The following WDPCP variants were observed in gnomAD, a reference collection of about 807,000 sequenced individuals.
The protein encoded by WDPCP is WD repeat containing planar cell polarity effector, also known as WD repeat-containing and planar cell polarity effector protein fritz homolog.
WDPCP carries 71 observed loss-of-function variants against 93.1 expected under a neutral mutation model. The ratio of observed to expected loss-of-function variants is 0.76; its 90% CI spans 0.63 to 0.93. The LOEUF is 0.93. Ranked by LOEUF, WDPCP falls within the 40% of genes least tolerant of loss-of-function variation. The pLI, the probability that WDPCP is intolerant of heterozygous loss-of-function variation, is 0.00. For synonymous variants in WDPCP, 315 were observed against 315.0 expected, an observed-to-expected ratio of 1.00 and a Z score of 0.00; for missense variants, 844 against 887.4, an observed-to-expected ratio of 0.95 and a Z score of 0.62.
chr2:63,140,121 G>C (rs905438779), intron 17 of WDPCP, among the ~76,000 whole-genome samples: 5 of 152,106 alleles, frequency 3.3e-5, no homozygotes, highest in African/African-American at 7.2e-5. Context: ...TCAGTTGGCT[G>C]TAAGTATTTG....
intron 1 of WDPCP, among the ~76,000 whole-genome samples, chr2:63,555,933 G>A (rs1442326885): frequency 6.6e-6 from 1 of 152,138 alleles, no homozygotes; most frequent in African/African-American, 2.4e-5. Flanking sequence ...AAATAAAAAA[G>A]CCAGAGTGCC....
intron 8 of WDPCP, among the ~76,000 whole-genome samples, chr2:63,436,697 G>C (rs1697155859): frequency 6.6e-6 from 1 of 152,010 alleles, no homozygotes; most frequent in Admixed American, 6.6e-5. Flanking sequence ...GCAAACACAA[G>C]TCACTGTTGA....
chr2:63,773,412 A>C (rs560606267), intron 2 of WDPCP, among the ~76,000 whole-genome samples: 31 of 152,174 alleles, frequency 2.0e-4, no homozygotes, highest in Non-Finnish European at 3.2e-4. Context: ...ATCAGAAGTC[A>C]GAAGACCAAT....
upstream of WDPCP, chr2:63,588,959 C>G: frequency 6.2e-7 from 1 of 1,601,324 alleles, no homozygotes. Flanking sequence ...CGCTCGCCCT[C>G]TCCGAGTCAG....
intron 9 of WDPCP, among the ~76,000 whole-genome samples, chr2:63,409,178 C>G (rs1185834398): frequency 6.6e-6 from 1 of 152,214 alleles, no homozygotes. Flanking sequence ...AGGACAGGCA[C>G]TGGTATCCAC....
chr2:63,454,052 A>G (rs908927637), intron 6 of WDPCP, among the ~76,000 whole-genome samples: 1 of 151,744 alleles, frequency 6.6e-6, no homozygotes, highest in African/African-American at 2.4e-5. Flanking sequence ...ACATGGATAC[A>G]TATGTAACAA....
intron 6 of WDPCP, among the ~76,000 whole-genome samples, chr2:63,465,416 T>C (rs180735865): frequency 2.2e-4 from 33 of 152,166 alleles, no homozygotes; most frequent in Admixed American, 1.4e-3. Flanking sequence ...CACATTAGGT[T>C]TGAGAAGGTT....
intron 9 of WDPCP, among the ~76,000 whole-genome samples, chr2:63,421,495 C>A (rs1406764590): frequency 1.3e-5 from 2 of 152,084 alleles, no homozygotes; most frequent in Non-Finnish European, 2.9e-5. Context: ...GTAGCAAAGG[C>A]AATTCAATGC....
intron 3 of WDPCP, chr2:63,595,082 C>G (rs966834267): frequency 3.5e-5 from 12 of 347,576 alleles, no homozygotes; most frequent in African/African-American, 2.6e-4. Flanking sequence ...ATGTCAGATA[C>G]TGTACTTAGC....
chr2:63,830,879 T>C (rs1330750948), upstream of WDPCP, among the ~76,000 whole-genome samples: 1 of 152,214 alleles, frequency 6.6e-6, no homozygotes. Context: ...AAACTATATG[T>C]TGACAATTCC....
At chr2:63,593,634 G>C (rs772672936), upstream of WDPCP, 5 of 471,524 alleles carry the variant, frequency 1.1e-5, no homozygotes, top group South Asian at 7.7e-5. Flanking sequence ...TGCAGGTAGG[G>C]GTAAAGGTGA....
chr2:63,822,935 T>C (rs1355291875), intron 1 of WDPCP, among the ~76,000 whole-genome samples: 1 of 151,244 alleles, frequency 6.6e-6, no homozygotes, highest in African/African-American at 2.4e-5. Context: ...ATTATTAACC[T>C]ATCTTGGTGT....
At chr2:63,326,351 T>C (rs1009259654) in intron 12 of WDPCP, among the ~76,000 whole-genome samples, 1 of 151,938 alleles carries the variant, frequency 6.6e-6, no homozygotes, top group Non-Finnish European at 1.5e-5. Flanking sequence ...TTGATGGAGG[T>C]TCGTTTGTGG....
intron 3 of WDPCP, chr2:63,622,084 TGGAAGTTG>T: frequency 3.9e-6 from 3 of 761,786 alleles, no homozygotes; most frequent in Admixed American, 9.6e-5. Flanking sequence ...TTTTTTTTTT[TGGAAGTTG>T]ATTTTTAATG....
intron 14 of WDPCP, among the ~76,000 whole-genome samples, chr2:63,198,599 AG>A (rs1675643475): frequency 6.6e-6 from 1 of 152,196 alleles, no homozygotes; most frequent in Non-Finnish European, 1.5e-5. Flanking sequence ...GTGAGTTATC[AG>A]GAGATCAGAT....
intron 3 of WDPCP, among the ~76,000 whole-genome samples, chr2:63,609,317 T>C (rs552035461): frequency 6.7e-4 from 102 of 151,610 alleles, no homozygotes; most frequent in Non-Finnish European, 1.3e-3. Context: ...GCCGAGATCA[T>C]GCCACTGCAC....
chr2:63,483,518 A>C (rs1700392104), intron 6 of WDPCP, among the ~76,000 whole-genome samples: 1 of 151,910 alleles, frequency 6.6e-6, no homozygotes, highest in Non-Finnish European at 1.5e-5. Context: ...GTAAAGGTAG[A>C]CTAGACAAAA....
intron 10 of WDPCP, among the ~76,000 whole-genome samples, chr2:63,390,959 G>A (rs974247127): frequency 1.3e-5 from 2 of 152,114 alleles, no homozygotes; most frequent in African/African-American, 4.8e-5. Flanking sequence ...TCTACCAGAG[G>A]TACAAAGAGG....
chr2:63,830,082 C>T (rs1008827457), upstream of WDPCP, among the ~76,000 whole-genome samples: 1 of 151,966 alleles, frequency 6.6e-6, no homozygotes, highest in African/African-American at 2.4e-5. Context: ...TTTCTTCTGT[C>T]TTGATGACAA....
Sources: allele counts gnomAD v4.1 joint callset (sites outside exome capture counted in the v4.1 genomes callset), GRCh38; gene constraint gnomAD v4.1.1; transcripts MANE v1.5; gene names NCBI Gene and HGNC (gene_info 2026-07-23, HGNC 2026-07-21).